The following STK3 variants were observed in gnomAD, a reference collection of about 807,000 sequenced individuals.
The protein encoded by STK3 is serine/threonine-protein kinase 3.
A neutral mutation model predicts 58.0 loss-of-function variants in STK3; 41 were observed. That is an observed-to-expected ratio of 0.71 (90% CI 0.55 to 0.92). STK3 has a LOEUF of 0.92. Ranked by LOEUF, STK3 falls within the 40% of genes least tolerant of loss-of-function variation. The probability of loss-of-function intolerance (pLI) is 0.00; values close to 1 mark genes in which losing one functional copy is unlikely to be tolerated. For synonymous variants in STK3, 170 were observed against 191.0 expected (o/e 0.89, Z 0.91); for missense variants, 479 against 602.7 (o/e 0.79, Z 2.15).
intron 10 of STK3, among the ~76,000 whole-genome samples, chr8:98,520,906 G>C (rs1825312657): frequency 1.3e-5 from 2 of 152,048 alleles, no homozygotes; most frequent in Admixed American, 6.6e-5. Flanking sequence ...CACTTACGCT[G>C]TGCTCCACCT....
At chr8:98,749,444 T>C (rs1468807508) in intron 3 of STK3, 54 bp from the exon 4 acceptor site, 2 of 1,032,980 alleles carry the variant, frequency 1.9e-6, no homozygotes, top group Non-Finnish European at 2.9e-6. Flanking sequence ...AGAAATTTTT[T>C]TCTTAATCCC....
intron 7 of STK3, among the ~76,000 whole-genome samples, chr8:98,583,833 G>C (rs1173601676): frequency 1.3e-5 from 2 of 149,952 alleles, no homozygotes; most frequent in East Asian, 3.9e-4. Context: ...CTATGGGTAA[G>C]AGAGAGAGTG....
intron 3 of STK3, among the ~76,000 whole-genome samples, chr8:98,762,108 C>A (rs939559456): frequency 1.5e-4 from 23 of 152,198 alleles, no homozygotes; most frequent in African/African-American, 5.3e-4. Context: ...TGTTAGATAT[C>A]TCTTCCAACC....
At chr8:98,770,473 T>C (rs925048668) in intron 2 of STK3, among the ~76,000 whole-genome samples, 1 of 152,336 alleles carries the variant, frequency 6.6e-6, no homozygotes, top group East Asian at 1.9e-4. Context: ...AGACTCAGCA[T>C]GTTAGCTCAA....
At chr8:98,935,737 T>C (rs1587870825) in intron 1 of STK3, among the ~76,000 whole-genome samples, 1 of 152,314 alleles carries the variant, frequency 6.6e-6, no homozygotes, top group South Asian at 2.1e-4. Context: ...TTGTATACTC[T>C]TGATAACCAG....
chr8:98,789,482 G>T (rs1460303996), intron 1 of STK3, among the ~76,000 whole-genome samples: 3 of 151,806 alleles, frequency 2.0e-5, no homozygotes, highest in East Asian at 1.9e-4. Flanking sequence ...TCTTTGAAAA[G>T]ATAAAATAAA....
At chr8:98,551,018 T>C (rs944699381) in intron 8 of STK3, among the ~76,000 whole-genome samples, 8 of 152,182 alleles carry the variant, frequency 5.3e-5, no homozygotes, top group Non-Finnish European at 1.0e-4. Flanking sequence ...CCATTGTTCA[T>C]ATAACCTCCA....
intron 7 of STK3, 50 bp from the exon 8 acceptor site, chr8:98,579,839 A>T (rs771032055): frequency 4.5e-5 from 66 of 1,480,648 alleles, no homozygotes; most frequent in Non-Finnish European, 5.4e-5. Flanking sequence ...TTTCCGAATT[A>T]TAGCTAACAA....
chr8:98,627,637 C>A (rs1818835466), intron 6 of STK3, among the ~76,000 whole-genome samples: 1 of 152,058 alleles, frequency 6.6e-6, no homozygotes, highest in African/African-American at 2.4e-5. Context: ...CACCAGAAGC[C>A]AAGCAGATGC....
At chr8:98,730,533 A>G (rs549988731) in intron 4 of STK3, among the ~76,000 whole-genome samples, 44 of 152,064 alleles carry the variant, frequency 2.9e-4, no homozygotes, top group Admixed American at 3.9e-4. Context: ...GCCTGGCCAC[A>G]TGGTGAAACC....
At chr8:98,500,373 T>G (rs1299772550) in intron 10 of STK3, among the ~76,000 whole-genome samples, 2 of 152,052 alleles carry the variant, frequency 1.3e-5, no homozygotes, top group Admixed American at 6.6e-5. Flanking sequence ...CTCTACTATT[T>G]TTTTTATACT....
intron 6 of STK3, among the ~76,000 whole-genome samples, chr8:98,627,400 G>T (rs1191844713): frequency 2.0e-5 from 3 of 151,186 alleles, no homozygotes; most frequent in Middle Eastern, 3.2e-3. Flanking sequence ...TGTAATCCCA[G>T]CTACTTGGGA....
At chr8:98,402,575 C>T (rs967088678) in intron 3 of STK3, among the ~76,000 whole-genome samples, 12 of 152,150 alleles carry the variant, frequency 7.9e-5, no homozygotes, top group South Asian at 4.1e-4. Context: ...CCCTCCGGGA[C>T]GGAGGGGGCC....
intron 6 of STK3, among the ~76,000 whole-genome samples, chr8:98,697,341 T>C (rs1228577985): frequency 2.0e-5 from 3 of 152,234 alleles, no homozygotes; most frequent in Admixed American, 6.5e-5. Context: ...GAAGGGTTTT[T>C]TGTGTCTCTA....
intron 6 of STK3, among the ~76,000 whole-genome samples, chr8:98,626,238 T>C (rs1279253620): frequency 2.0e-5 from 3 of 152,048 alleles, no homozygotes; most frequent in Non-Finnish European, 4.4e-5. Flanking sequence ...AAAGTGACTA[T>C]ACAGGAAAAG....
intron 3 of STK3, among the ~76,000 whole-genome samples, chr8:98,873,713 C>A (rs1837464495): frequency 6.6e-6 from 1 of 151,868 alleles, no homozygotes; most frequent in African/African-American, 2.4e-5. Flanking sequence ...TCCTCCATCA[C>A]TTTATTTTGA....
the STK3 span, among the ~76,000 whole-genome samples, chr8:98,345,686 ATAAT>A: frequency 6.6e-6 from 1 of 152,168 alleles, no homozygotes; most frequent in East Asian, 1.9e-4. Context: ...AATGAGGAAA[ATAAT>A]TAATCAGTAG....
chr8:98,671,326 A>C (rs541871040), intron 6 of STK3, among the ~76,000 whole-genome samples: 2 of 152,182 alleles, frequency 1.3e-5, no homozygotes, highest in Admixed American at 1.3e-4. Context: ...GGGGGAAAAA[A>C]CCCATTTCCA....
intron 1 of STK3, among the ~76,000 whole-genome samples, chr8:98,917,039 T>G (rs1839371255): frequency 6.6e-6 from 1 of 152,114 alleles, no homozygotes; most frequent in African/African-American, 2.4e-5. Context: ...GGCATGAGAT[T>G]GACATGTCAA....
Sources: gnomAD v4.1 joint callset for allele counts (sites outside exome capture counted in the v4.1 genomes callset) on GRCh38, gnomAD v4.1.1 for gene constraint, MANE v1.5 for transcripts, NCBI Gene and HGNC (gene_info 2026-07-23, HGNC 2026-07-21) for gene names.